The following LACRT variants were observed in gnomAD, a reference collection of about 807,000 sequenced individuals.
LACRT encodes extracellular glycoprotein lacritin.
LACRT carries 14 observed loss-of-function variants against 14.5 expected under a neutral mutation model. That is an observed-to-expected ratio of 0.96 (90% CI 0.64 to 1.51). The LOEUF (loss-of-function observed/expected upper bound fraction) is 1.51, where lower values mean the gene tolerates loss of function less well. Among genes scored for constraint, LACRT ranks in the 40% most tolerant of loss-of-function variants. LACRT has a pLI of 0.00. For synonymous variants in LACRT, 70 were observed against 63.5 expected, an observed-to-expected ratio of 1.10 and a Z score of -0.48; for missense variants, 156 against 161.8, an observed-to-expected ratio of 0.96 and a Z score of 0.19.
At chr12:54,631,640 G>C in intron 4 of LACRT, 98 bp downstream of exon 4, 5 of 840,438 alleles carry the variant, frequency 5.9e-6, no homozygotes, top group Non-Finnish European at 8.2e-6. Flanking sequence ...TCATATGTGA[G>C]GTGGAAATGG....
At position 54,630,942 on chromosome 12, in the gene LACRT, A is replaced by G. The variant is rs1958148431; in HGVS notation, c.367T>C (p.Phe123Leu). Residue 123 changes from phenylalanine (F) to leucine (L), a missense_variant, in exon 5 of 5, where the codon TTT (phenylalanine) becomes CTT (leucine). By Grantham distance (22) the Phe-to-Leu change is conservative. Coordinates refer to ENST00000257867, the MANE Select transcript of LACRT (RefSeq NM_033277.2). ...AATTTCTTCAGTAATTTTTGTGCAA[A>G]TTCACTTCCATCTAGAAGGAAAGAT... is the stretch of plus-strand genomic sequence containing the variant. ...GKQFIENGSEFAQKLLKKFSL... is the reference protein window; with the variant it reads ...GKQFIENGSELAQKLLKKFSL... 1 of 1,609,616 alleles carries G rather than the reference A, an allele frequency of 6.2e-7. No homozygotes were observed. The highest frequency in any genetic ancestry group is 1.7e-5 in the Admixed American group (1 of 59,996).
chr12:54,633,385 A>T (rs1034948589), intron 1 of LACRT, 152 bp from the exon 2 acceptor site: 2 of 679,000 alleles, frequency 2.9e-6, no homozygotes, highest in African/African-American at 3.6e-5. Context: ...CCCTTCCACC[A>T]TATCAGCGGG....
At chr12:54,634,730 G>C (rs1958176737) in intron 1 of LACRT, 54 bp downstream of exon 1, 12 of 1,502,134 alleles carry the variant, frequency 8.0e-6, no homozygotes, top group African/African-American at 1.4e-5. Flanking sequence ...AGGAGTGAGG[G>C]GCTCCTTGGA....
In LACRT at chr12:54,633,253, C is replaced by A; in HGVS notation, c.59-20G>T. The A allele has an allele frequency of 6.2e-7, 1 of 1,612,146 alleles. No individual in the cohort carries two copies. The highest frequency in any genetic ancestry group is 1.3e-5 in the African/African-American group (1 of 74,980). Reference sequence around the variant, plus strand: ...CATCTTCTGCAATGGGGGAAACATGCCAGATGAGAGCAAGGACCGAACCGG... The same window carrying A: ...CATCTTCTGCAATGGGGGAAACATGACAGATGAGAGCAAGGACCGAACCGG... On this transcript the variant is annotated intron_variant, in intron 1 of 4. Coordinates refer to ENST00000257867, the MANE Select transcript of LACRT (RefSeq NM_033277.2).
intron 1 of LACRT, among the ~76,000 whole-genome samples, chr12:54,634,508 A>G (rs1958175369): frequency 6.6e-6 from 1 of 151,976 alleles, no homozygotes; most frequent in Non-Finnish European, 1.5e-5. Context: ...AACTACATGC[A>G]GGGGACACCA....
chr12:54,633,617 C>G (rs749934701), intron 1 of LACRT, among the ~76,000 whole-genome samples: 1 of 152,024 alleles, frequency 6.6e-6, no homozygotes, highest in Admixed American at 6.6e-5. Context: ...CATATTTGAG[C>G]GATTTGCAGG....
chr12:54,632,441 G>T, intron 2 of LACRT, 60 bp from the exon 3 acceptor site: 1 of 1,594,850 alleles, frequency 6.3e-7, no homozygotes. Context: ...CTTTTGGAAT[G>T]GGTTGCAGGG....
At position 54,630,959 on chromosome 12, in the gene LACRT, A is replaced by C. The variant is rs1218112498; in HGVS notation, c.356-6T>G. ...TTGTGCAAATTCACTTCCATCTAGA[A>C]GGAAAGATGAGACAAATGAGGCTTT... On this transcript the variant is annotated splice_polypyrimidine_tract_variant and splice_region_variant and intron_variant, in intron 4 of 4. Transcript: ENST00000257867. 6.2e-7 allele frequency: 1 copy of C among 1,601,046 alleles called. No individual in the cohort carries two copies. Among genetic ancestry groups the C allele is most frequent in the Non-Finnish European group, 8.6e-7 (1 of 1,169,440 alleles).
intron 4 of LACRT, among the ~76,000 whole-genome samples, chr12:54,631,414 A>AT (rs1958151302): frequency 1.3e-5 from 2 of 152,102 alleles, no homozygotes; most frequent in African/African-American, 2.4e-5. Flanking sequence ...TAATTTTTGT[A>AT]TTTTTTTGTA....
Position 54,630,966 on chromosome 12 carries a change from A to G in LACRT, c.356-13T>C. 6.3e-7 allele frequency: 1 copy of G among 1,580,678 alleles called. No homozygotes were observed. Among genetic ancestry groups the G allele is most frequent in the Non-Finnish European group, 8.7e-7 (1 of 1,151,628 alleles). ...AATTCACTTCCATCTAGAAGGAAAG[A>G]TGAGACAAATGAGGCTTTTAGGACC... On this transcript the variant is annotated splice_polypyrimidine_tract_variant and intron_variant, in intron 4 of 4. Transcript: ENST00000257867.
At chr12:54,633,287 G>T (rs1474437401) in intron 1 of LACRT, 54 bp from the exon 2 acceptor site, 1 of 1,483,132 alleles carries the variant, frequency 6.7e-7, no homozygotes, top group African/African-American at 1.4e-5. Context: ...GGACCTACTC[G>T]AGCCACCCTC....
Position 54,632,243 on chromosome 12 carries a change from A to G in LACRT, c.251T>C (p.Leu84Pro), listed in dbSNP as rs756195452. ...VTSSRQELNP[L>P]KSIVEKSILL... ...CTGGCATAGAGACAGAGACTTACTC[A>G]GGGGGTTTAGTTCCTGCCTGCTTGA... Residue 84 changes from leucine (L) to proline (P), a missense_variant and splice_region_variant, in exon 3 of 5, where the codon CTG (leucine) becomes CCG (proline). Leu to Pro is a moderately conservative substitution (Grantham distance 98, BLOSUM62 -3). Coordinates refer to ENST00000257867, the MANE Select transcript of LACRT (RefSeq NM_033277.2). The G allele has an allele frequency of 6.2e-7, 1 of 1,613,990 alleles. No homozygotes were observed. The highest frequency in any genetic ancestry group is 1.7e-5 in the Admixed American group (1 of 60,010).
rs745607727 is a variant in LACRT, at chr12:54,632,234, G to C, written c.253+7C>G. ...GTTGTTGATCTGGCATAGAGACAGA[G>C]ACTTACTCAGGGGGTTTAGTTCCTG... On this transcript the variant is annotated splice_region_variant and intron_variant, in intron 3 of 4. Coordinates refer to ENST00000257867, the MANE Select transcript of LACRT (RefSeq NM_033277.2). 14 of 1,614,000 alleles carry C rather than the reference G, an allele frequency of 8.7e-6. No homozygotes were observed. The highest frequency in any genetic ancestry group is 5.0e-5 in the Admixed American group (3 of 60,014).
chr12:54,632,295 C>T lies in LACRT; in HGVS notation c.199G>A (p.Ala67Thr), dbSNP rs1958157616. 1 of 1,614,152 alleles carries T rather than the reference C, an allele frequency of 6.2e-7. No homozygotes were observed. Among genetic ancestry groups the T allele is most frequent in the Non-Finnish European group, 8.5e-7 (1 of 1,180,034 alleles). The part of the protein sequence containing the change: ...TTTAQETSAA[A>T]VQGTAKVTSS... ...GTGACCTTGGCTGTCCCCTGAACTG[C>T]TGCCGCCGAAGTCTCCTGGGCTGTT... is the stretch of plus-strand genomic sequence containing the variant. Residue 67 changes from alanine to threonine, a missense_variant, in exon 3 of 5, where the codon GCA becomes ACA. Transcript: ENST00000257867.
intron 1 of LACRT, among the ~76,000 whole-genome samples, chr12:54,634,046 T>C (rs1958171645): frequency 6.6e-6 from 1 of 151,956 alleles, no homozygotes; most frequent in Admixed American, 6.6e-5. Context: ...CAAATAGTGC[T>C]TCTGTGGATC....
intron 3 of LACRT, 65 bp from the exon 4 acceptor site, chr12:54,631,904 T>C: frequency 9.2e-7 from 1 of 1,084,766 alleles, no homozygotes; most frequent in South Asian, 1.3e-5. Context: ...AACTCTGCAT[T>C]GCCCCACCTG....
rs368125654 is a variant in LACRT, at chr12:54,634,719, C to A, written c.58+65G>T. 360 of 1,417,332 alleles carry A rather than the reference C, an allele frequency of 2.5e-4. 1 individual carries two copies. In the African/African-American group the frequency reaches 3.6e-3, roughly 14 times the overall value. The allele number at this position is 1,417,332 out of a possible 1,614,324, so 87.8% of individuals were successfully genotyped here. On this transcript the variant is annotated intron_variant, in intron 1 of 4. Transcript: ENST00000257867. ...TGAGAGAGGAGGAGAGGGGTGAAGGCAGGAGTGAGGGGCTCCTTGGACTGG... is the reference window on the plus strand; with the variant it reads ...TGAGAGAGGAGGAGAGGGGTGAAGGAAGGAGTGAGGGGCTCCTTGGACTGG...
intron 2 of LACRT, 152 bp downstream of exon 2, chr12:54,633,028 C>T (rs148587857): frequency 4.1e-5 from 33 of 811,520 alleles, no homozygotes; most frequent in South Asian, 3.3e-4. Flanking sequence ...ACCCATGCCA[C>T]CTTCTTTATT....
intron 1 of LACRT, 79 bp downstream of exon 1, chr12:54,634,705 G>T: frequency 7.8e-7 from 1 of 1,280,142 alleles, no homozygotes; most frequent in Non-Finnish European, 1.1e-6. Context: ...GAGAGAGGAG[G>T]AGAGGGGTGA....
Sources: gnomAD v4.1 joint callset for allele counts (sites outside exome capture counted in the v4.1 genomes callset) on GRCh38, gnomAD v4.1.1 for gene constraint, MANE v1.5 for transcripts, NCBI Gene and HGNC (gene_info 2026-07-23, HGNC 2026-07-21) for gene names.